Variants in LRP6 observed in about 807,000 individuals in gnomAD.
The protein encoded by LRP6 is LDL receptor related protein 6, also known as low-density lipoprotein receptor-related protein 6.
In LRP6, 43 loss-of-function variants were observed where a neutral mutation model predicts 184.1. The observed-to-expected ratio is 0.23, with a 90% CI of 0.18 to 0.30. LRP6 has a LOEUF of 0.30. Ranked by LOEUF, LRP6 falls within the 10% of genes least tolerant of loss-of-function variation. The pLI, the probability that LRP6 is intolerant of heterozygous loss-of-function variation, is 1.00. For synonymous variants in LRP6, 719 were observed against 684.9 expected, an observed-to-expected ratio of 1.05 and a Z score of -0.78; for missense variants, 1,571 against 2,005.3, an observed-to-expected ratio of 0.78 and a Z score of 4.14.
At chr12:12,125,483 G>A in intron 20 of LRP6, 51 bp from the exon 21 acceptor site, 4 of 1,511,058 alleles carry the variant, frequency 2.6e-6, no homozygotes, top group Non-Finnish European at 3.7e-6. Context: ...ATATAAAAAT[G>A]TATCAAGCAA....
chr12:12,192,075 T>TTA (rs1863633586), intron 3 of LRP6, among the ~76,000 whole-genome samples: 1 of 151,974 alleles, frequency 6.6e-6, no homozygotes, highest in Non-Finnish European at 1.5e-5. Context: ...AGACATAAGA[T>TTA]TGTATAAAGC....
chr12:12,159,298 T>C, intron 11 of LRP6, 143 bp from the exon 12 acceptor site: 2 of 683,798 alleles, frequency 2.9e-6, no homozygotes, highest in Non-Finnish European at 5.0e-6. Context: ...GAAAAATTCA[T>C]TTAAAAGCAA....
At chr12:12,179,582 C>G (rs921508248) in intron 7 of LRP6, among the ~76,000 whole-genome samples, 1 of 152,064 alleles carries the variant, frequency 6.6e-6, no homozygotes, top group Non-Finnish European at 1.5e-5. Context: ...AGACTAGAAA[C>G]TGATCAGCAG....
At chr12:12,157,785 T>C (rs1226357163) in intron 12 of LRP6, among the ~76,000 whole-genome samples, 1 of 152,232 alleles carries the variant, frequency 6.6e-6, no homozygotes, top group Non-Finnish European at 1.5e-5. Flanking sequence ...ATCTACTCTT[T>C]CTGATTTAAT....
Position 12,116,098 on chromosome 12 carries a change from C to CA in LRP6, c.*5027dup. Reference sequence around the variant, plus strand: ...AATTCAGCTTATTTATTGTAATAATCAAAAAAGGGGTTTATACAAGGTATT... The same window carrying CA: ...AATTCAGCTTATTTATTGTAATAATCAAAAAAAGGGGTTTATACAAGGTATT... On this transcript the variant is annotated 3_prime_UTR_variant, in exon 23 of 23. Transcript: ENST00000261349. The CA allele has an allele frequency of 6.6e-6, 1 of 151,628 alleles. No homozygotes were observed. The allele number at this position is 151,628 out of a possible 1,614,324, so 9.4% of individuals were successfully genotyped here.
chr12:12,234,363 T>C (rs1217255911), intron 2 of LRP6, among the ~76,000 whole-genome samples: 1 of 151,408 alleles, frequency 6.6e-6, no homozygotes, highest in Non-Finnish European at 1.5e-5. Flanking sequence ...GGCCAAAGAA[T>C]CACTTGGACC....
chr12:12,175,648 G>A (rs1863159641), intron 7 of LRP6, among the ~76,000 whole-genome samples: 1 of 151,196 alleles, frequency 6.6e-6, no homozygotes, highest in South Asian at 2.1e-4. Flanking sequence ...CCGAGATCGC[G>A]CCACTGCACT....
At chr12:12,232,882 T>TA (rs2135895308) in intron 2 of LRP6, among the ~76,000 whole-genome samples, 1 of 152,278 alleles carries the variant, frequency 6.6e-6, no homozygotes, top group South Asian at 2.1e-4. Context: ...GGGCTCAACT[T>TA]ACAAATAAAG....
At position 12,244,483 on chromosome 12, in the gene LRP6, T is replaced by C. The variant is rs757453495; in HGVS notation, c.228A>G (p.Lys76=). Residue 76 remains lysine, a synonymous_variant, in exon 2 of 23, where the codon AAA becomes AAG. Coordinates refer to ENST00000261349, the MANE Select transcript of LRP6 (RefSeq NM_002336.3). ...YWSDVSEEAI[K]RTEFNKTESV... is the part of the protein sequence containing the mutation. ...TCTCAGTTTTGTTAAATTCTGTTCG[T>C]TTAATGGCTTCTTCGCTGACATCAC... 1.2e-5 allele frequency: 20 copies of C among 1,614,098 alleles called. No homozygotes were observed. The Admixed American group carries it at 1.3e-4, about 11-fold the overall frequency.
intron 2 of LRP6, among the ~76,000 whole-genome samples, chr12:12,229,762 C>G (rs1864733484): frequency 6.6e-6 from 1 of 152,170 alleles, no homozygotes; most frequent in Non-Finnish European, 1.5e-5. Context: ...TTCTCAAAAG[C>G]TAGGCTACAG....
chr12:12,198,530 C>CTTTTTTTTTTTTTTTTT (rs56150307), intron 3 of LRP6, among the ~76,000 whole-genome samples: 3 of 76,992 alleles, frequency 3.9e-5, no homozygotes, highest in Non-Finnish European at 5.0e-5. Context: ...GAATTTTTCT[C>CTTTTTTTTTTTTTTTTT]TTTTTTTTTT....
At chr12:12,128,796 G>A (rs1307359074) in intron 19 of LRP6, among the ~76,000 whole-genome samples, 1 of 152,110 alleles carries the variant, frequency 6.6e-6, no homozygotes, top group Admixed American at 6.5e-5. Flanking sequence ...CCCATTTAAT[G>A]ACTCCAGTCA....
chr12:12,203,434 G>A (rs753245062), intron 2 of LRP6, 34 bp from the exon 3 acceptor site: 2 of 1,515,572 alleles, frequency 1.3e-6, no homozygotes, highest in East Asian at 2.3e-5. Flanking sequence ...AGCCATGACA[G>A]AGCAGATATC....
At chr12:12,127,982 T>C (rs1374072705) in intron 19 of LRP6, among the ~76,000 whole-genome samples, 2 of 152,200 alleles carry the variant, frequency 1.3e-5, no homozygotes, top group African/African-American at 2.4e-5. Flanking sequence ...AACCGTCTCA[T>C]CTTTTCATTC....
In LRP6 at chr12:12,235,390, A is replaced by G. The variant is rs796156045; in HGVS notation, c.449+8872T>C. On this transcript the variant is annotated intron_variant, in intron 2 of 22. Coordinates refer to ENST00000261349, the MANE Select transcript of LRP6 (RefSeq NM_002336.3). ...GGGTATGTGTGTCTACATACATCAT[A>G]TATTTCCTAACTCTGTCCACTGAGA... 5.9e-5 allele frequency among the ~76,000 whole-genome samples: 9 copies of G among 152,190 alleles called. No homozygotes were observed. The East Asian group carries it at 7.7e-4, about 13-fold the overall frequency.
intron 7 of LRP6, among the ~76,000 whole-genome samples, chr12:12,169,522 T>C (rs999470849): frequency 6.6e-6 from 1 of 151,736 alleles, no homozygotes; most frequent in Non-Finnish European, 1.5e-5. Context: ...AAGCAAACAA[T>C]GAAAAGAAAA....
At chr12:12,133,214 A>C (rs1484741054) in intron 17 of LRP6, among the ~76,000 whole-genome samples, 1 of 152,232 alleles carries the variant, frequency 6.6e-6, no homozygotes, top group African/African-American at 2.4e-5. Context: ...ACTACTTTGA[A>C]CTGCATGTCA....
intron 7 of LRP6, among the ~76,000 whole-genome samples, chr12:12,171,185 A>G (rs1863028195): frequency 6.6e-6 from 1 of 152,232 alleles, no homozygotes; most frequent in African/African-American, 2.4e-5. Flanking sequence ...CCAAGGACAC[A>G]CAAATAATAA....
chr12:12,235,739 A>C (rs1427255390), intron 2 of LRP6, among the ~76,000 whole-genome samples: 1 of 151,922 alleles, frequency 6.6e-6, no homozygotes, highest in African/African-American at 2.4e-5. Context: ...TCAAAAAAAA[A>C]AAGAAAAAGA....
Sources: allele counts gnomAD v4.1 joint callset (sites outside exome capture counted in the v4.1 genomes callset), GRCh38; gene constraint gnomAD v4.1.1; transcripts MANE v1.5; gene names NCBI Gene and HGNC (gene_info 2026-07-23, HGNC 2026-07-21).